OSBPL10: variants seen among roughly 807,000 people sequenced by gnomAD.
OSBPL10 encodes oxysterol-binding protein-related protein 10.
OSBPL10 carries 49 observed loss-of-function variants against 81.7 expected under a neutral mutation model. The ratio of observed to expected loss-of-function variants is 0.60; its 90% confidence interval spans 0.48 to 0.76. The LOEUF is 0.76. OSBPL10 is among the 30% of genes least tolerant of loss of function. OSBPL10 has a pLI of 0.00. For missense variants in OSBPL10, 923 were observed against 987.8 expected (o/e 0.93, Z 0.88); for synonymous variants, 419 against 383.6 (o/e 1.09, Z -1.08).
chr3:31,742,064 T>C (rs1010055445), intron 5 of OSBPL10, among the ~76,000 whole-genome samples: 12 of 152,222 alleles, frequency 7.9e-5, no homozygotes, highest in African/African-American at 2.4e-4. Flanking sequence ...TACTGAAATA[T>C]CACATTTCTG....
At chr3:32,012,795 A>G (rs1385905892) in intron 2 of OSBPL10, among the ~76,000 whole-genome samples, 1 of 152,216 alleles carries the variant, frequency 6.6e-6, no homozygotes, top group Non-Finnish European at 1.5e-5. Flanking sequence ...TTGCAATCCT[A>G]GTCTCTGATA....
intron 4 of OSBPL10, among the ~76,000 whole-genome samples, chr3:31,806,775 G>C (rs111855709): frequency 2.0e-5 from 3 of 151,802 alleles, no homozygotes; most frequent in Non-Finnish European, 2.9e-5. Flanking sequence ...TTTGGACAGA[G>C]GTCTAGAGGA....
At chr3:31,744,874 A>G (rs1209563786) in intron 5 of OSBPL10, among the ~76,000 whole-genome samples, 1 of 152,144 alleles carries the variant, frequency 6.6e-6, no homozygotes, top group Non-Finnish European at 1.5e-5. Context: ...AAATGATTCA[A>G]GCTTATATTT....
intron 4 of OSBPL10, among the ~76,000 whole-genome samples, chr3:31,811,427 C>A (rs763139878): frequency 2.6e-5 from 4 of 152,182 alleles, no homozygotes; most frequent in Non-Finnish European, 5.9e-5. Flanking sequence ...CCCCATGAGG[C>A]CTGCAGGTAA....
At chr3:31,662,586 T>G in intron 11 of OSBPL10, 1 of 995,558 alleles carries the variant, frequency 1.0e-6, no homozygotes, top group Non-Finnish European at 1.2e-6. Flanking sequence ...CAATCAAATA[T>G]CAAGTGAGAA....
chr3:31,755,424 T>A (rs972866491), intron 4 of OSBPL10, among the ~76,000 whole-genome samples: 34 of 152,246 alleles, frequency 2.2e-4, no homozygotes, highest in African/African-American at 7.7e-4. Context: ...GGTAATAGAA[T>A]CTATTCTCCC....
At chr3:31,680,323 C>T (rs1575471224) in intron 8 of OSBPL10, among the ~76,000 whole-genome samples, 1 of 152,178 alleles carries the variant, frequency 6.6e-6, no homozygotes, top group Non-Finnish European at 1.5e-5. Flanking sequence ...CAACCCTGCT[C>T]CTCTGCTCTT....
intron 1 of OSBPL10, among the ~76,000 whole-genome samples, chr3:32,054,246 T>C (rs1306954680): frequency 1.3e-5 from 2 of 152,198 alleles, no homozygotes; most frequent in Admixed American, 6.5e-5. Context: ...ATTATGTCTT[T>C]TTCTGATCTA....
intron 2 of OSBPL10, among the ~76,000 whole-genome samples, chr3:32,033,618 G>A (rs766550800): frequency 4.6e-5 from 7 of 152,140 alleles, no homozygotes; most frequent in Non-Finnish European, 8.8e-5. Flanking sequence ...TTTCATTAAC[G>A]GTATTCATAC....
At chr3:31,714,974 C>CAAAAA (rs61228474) in intron 6 of OSBPL10, 2 of 76,520 alleles carry the variant, frequency 2.6e-5, no homozygotes, top group East Asian at 4.3e-4. Flanking sequence ...AGGGCTGTGT[C>CAAAAA]AAAAAAAAAA....
intron 7 of OSBPL10, among the ~76,000 whole-genome samples, chr3:31,692,026 T>C (rs1290936473): frequency 2.0e-5 from 3 of 152,242 alleles, no homozygotes; most frequent in African/African-American, 7.2e-5. Context: ...TGAAACATTA[T>C]GAAAAGCATT....
intron 2 of OSBPL10, among the ~76,000 whole-genome samples, chr3:32,028,437 T>C (rs377191466): frequency 1.8e-4 from 27 of 152,358 alleles, no homozygotes; most frequent in African/African-American, 6.0e-4. Context: ...AGAAGTCATC[T>C]TGGCTCTTTA....
chr3:31,852,662 T>C (rs1700800146), intron 3 of OSBPL10, among the ~76,000 whole-genome samples: 1 of 151,662 alleles, frequency 6.6e-6, no homozygotes, highest in Non-Finnish European at 1.5e-5. Flanking sequence ...CACTACAACC[T>C]CCAACTCCCA....
At chr3:31,668,014 G>A (rs1276051109) in intron 10 of OSBPL10, among the ~76,000 whole-genome samples, 1 of 152,132 alleles carries the variant, frequency 6.6e-6, no homozygotes, top group Non-Finnish European at 1.5e-5. Flanking sequence ...CCAAATATTA[G>A]ACAGGTGATT....
chr3:31,917,145 G>A (rs773020746), intron 1 of OSBPL10, among the ~76,000 whole-genome samples: 8 of 152,050 alleles, frequency 5.3e-5, no homozygotes, highest in Non-Finnish European at 8.8e-5. Context: ...TCACAGCCGG[G>A]GTTCAGCATC....
rs529005206 is a variant in OSBPL10 at position 31,774,862 on chromosome 3, A to G, written c.730-26742T>C. On this transcript the variant is annotated intron_variant, in intron 4 of 11. Transcript: ENST00000396556. Reference sequence around the variant, plus strand: ...TCTCAGTGACACAAGAAGCCAGGTCATTACTTAAGAATGGAGATTGAGAGC... The same window carrying G: ...TCTCAGTGACACAAGAAGCCAGGTCGTTACTTAAGAATGGAGATTGAGAGC... Among the ~76,000 whole-genome samples, 158 of 150,338 alleles carry G rather than the reference A, an allele frequency of 1.1e-3. 1 individual carries two copies. Among genetic ancestry groups the G allele is most frequent in the Middle Eastern group, 3.4e-3 (1 of 294 alleles).
Position 31,662,001 on chromosome 3 carries a change from C to G in OSBPL10, c.*71G>C. ...AGGTCTCAGTGAATGCCAACAAAAC[C>G]CTGATACTCTACTACTTTAATATTC... On this transcript the variant is annotated 3_prime_UTR_variant, in exon 12 of 12. Coordinates refer to ENST00000396556, the MANE Select transcript of OSBPL10 (RefSeq NM_017784.5). 1.3e-6 allele frequency: 2 copies of G among 1,581,750 alleles called. No individual in the cohort carries two copies. Among genetic ancestry groups the G allele is most frequent in the Non-Finnish European group, 1.7e-6 (2 of 1,164,530 alleles).
chr3:31,883,039 C>G (rs1218564748), intron 1 of OSBPL10, among the ~76,000 whole-genome samples: 1 of 152,118 alleles, frequency 6.6e-6, no homozygotes, highest in Non-Finnish European at 1.5e-5. Flanking sequence ...TGAGGAGTGT[C>G]TTCCACTTGA....
chr3:31,779,776 C>T (rs1370165011), intron 4 of OSBPL10, among the ~76,000 whole-genome samples: 2 of 152,102 alleles, frequency 1.3e-5, no homozygotes, highest in African/African-American at 2.4e-5. Context: ...ACTTGGAATA[C>T]TCAAGATAGA....
Sources: gnomAD v4.1 joint callset for allele counts (sites outside exome capture counted in the v4.1 genomes callset) on GRCh38, gnomAD v4.1.1 for gene constraint, MANE v1.5 for transcripts, NCBI Gene and HGNC (gene_info 2026-07-23, HGNC 2026-07-21) for gene names.